The following TRMT44 variants were observed in gnomAD, a reference collection of about 807,000 sequenced individuals.
TRMT44 encodes probable tRNA (uracil-O(2)-)-methyltransferase.
TRMT44 carries 78 observed loss-of-function variants against 77.3 expected under a neutral mutation model. The ratio of observed to expected loss-of-function variants is 1.01; its 90% CI spans 0.84 to 1.22. TRMT44 has a LOEUF of 1.22. Among genes scored for constraint, TRMT44 ranks in the 50% most tolerant of loss-of-function variants. The pLI is 0.00. For missense variants in TRMT44, 1,090 were observed against 964.4 expected, an observed-to-expected ratio of 1.13 and a Z score of -1.73; for synonymous variants, 391 against 383.3, an observed-to-expected ratio of 1.02 and a Z score of -0.23.
At chr4:8,445,692 C>G (rs1677833157) in intron 1 of TRMT44, among the ~76,000 whole-genome samples, 1 of 152,240 alleles carries the variant, frequency 6.6e-6, no homozygotes, top group South Asian at 2.1e-4. Flanking sequence ...CTCGGCCCCA[C>G]ACTGCTTGCT....
At chr4:8,494,308 CCCTCACAATGTAAATGGA>C, downstream of TRMT44, among the ~76,000 whole-genome samples, 1 of 152,176 alleles carries the variant, frequency 6.6e-6, no homozygotes, top group East Asian at 1.9e-4. Flanking sequence ...TTAAATTTCA[CCCTCACAATGTAAATGGA>C]GAGCTGATAT....
chr4:8,502,809 C>G, the TRMT44 span, among the ~76,000 whole-genome samples: 1 of 152,208 alleles, frequency 6.6e-6, no homozygotes, highest in African/African-American at 2.4e-5. Flanking sequence ...TCCCAGCTCC[C>G]AGATCCCGCT....
chr4:8,455,550 G>A (rs1401954395), intron 6 of TRMT44, among the ~76,000 whole-genome samples: 1 of 152,172 alleles, frequency 6.6e-6, no homozygotes, highest in Non-Finnish European at 1.5e-5. Context: ...TTTTCTTAAT[G>A]CCCCTACCCA....
intron 1 of TRMT44, among the ~76,000 whole-genome samples, chr4:8,443,969 A>C (rs1186330741): frequency 1.3e-5 from 2 of 152,138 alleles, no homozygotes; most frequent in Non-Finnish European, 2.9e-5. Flanking sequence ...AAAAAAAAAA[A>C]AAAGGAATGT....
intron 2 of TRMT44, among the ~76,000 whole-genome samples, chr4:8,488,589 T>G (rs2109228495): frequency 6.6e-6 from 1 of 152,304 alleles, no homozygotes; most frequent in South Asian, 2.1e-4. Flanking sequence ...ATGTCATCAG[T>G]TAAGGTGGGG....
At position 8,485,276 on chromosome 4, in the gene TRMT44, A is replaced by G. The variant is rs1577066475; in HGVS notation, n.3891+5743A>G. Among the ~76,000 whole-genome samples the G allele has an allele frequency of 2.0e-5, 3 of 152,170 alleles. 1 individual carries two copies. The highest frequency in any genetic ancestry group is 3.9e-4 in the East Asian group (2 of 5,194). Reference sequence around the variant, plus strand: ...AAGCATCTTTAAGATCAAGAACGGAATAGTGAGTTGTGGAGGGAGGTATTG... The same window carrying G: ...AAGCATCTTTAAGATCAAGAACGGAGTAGTGAGTTGTGGAGGGAGGTATTG... On this transcript the variant is annotated intron_variant and non_coding_transcript_variant, in intron 2 of 2. Transcript: ENST00000511366.
rs527445129 is a variant in TRMT44, at chr4:8,441,001, G to A, written c.179G>A (p.Gly60Glu). ...ALPCAEARGPGTSAGSEQKER... is the reference protein window; with the variant it reads ...ALPCAEARGPETSAGSEQKER... ...CCCTGCGCGGAGGCCCGCGGCCCCG[G>A]GACTAGCGCAGGCTCGGAGCAGAAG... The change falls in exon 1 of 11, where the codon GGG (glycine) becomes GAG (glutamate). Residue 60 changes from glycine (G) to glutamate (E), a missense_variant. Transcript: ENST00000389737. 6 of 1,519,260 alleles carry A rather than the reference G, an allele frequency of 3.9e-6. No homozygotes were observed. The African/African-American group carries it at 6.9e-5, about 18-fold the overall frequency. 94.1% of individuals were successfully genotyped at this position (1,519,260 alleles called of 1,614,324 possible).
At chr4:8,466,381 C>G (rs907707458) in intron 8 of TRMT44, among the ~76,000 whole-genome samples, 2 of 152,174 alleles carry the variant, frequency 1.3e-5, no homozygotes, top group African/African-American at 4.8e-5. Context: ...GGAGGCTGCC[C>G]GGGTCTCTGT....
chr4:8,499,798 A>G, the TRMT44 span, among the ~76,000 whole-genome samples: 1 of 152,178 alleles, frequency 6.6e-6, no homozygotes, highest in Admixed American at 6.5e-5. Flanking sequence ...TCAGAAGAAA[A>G]CACAAAACTG....
downstream of TRMT44, among the ~76,000 whole-genome samples, chr4:8,496,422 A>G (rs540121685): frequency 5.9e-5 from 9 of 152,262 alleles, no homozygotes; most frequent in South Asian, 1.9e-3. Flanking sequence ...ATGGTGGTGG[A>G]ACACCTGCTG....
At position 8,449,638 on chromosome 4, in the gene TRMT44, G is replaced by A. The variant is rs1207853417; in HGVS notation, c.735-31G>A. On this transcript the variant is annotated intron_variant, in intron 2 of 10. Coordinates refer to ENST00000389737, the MANE Select transcript of TRMT44 (RefSeq NM_152544.3). Reference sequence around the variant, plus strand: ...TTTAAAATAAGAATTGAACATATCTGTGCTTATTCATATTTCTCTTATTTT... The same window carrying A: ...TTTAAAATAAGAATTGAACATATCTATGCTTATTCATATTTCTCTTATTTT... 4.2e-6 allele frequency: 6 copies of A among 1,441,002 alleles called. No individual in the cohort carries two copies. The Admixed American group carries it at 7.9e-5, about 19-fold the overall frequency. 89.3% of individuals were successfully genotyped at this position (1,441,002 alleles called of 1,614,324 possible).
chr4:8,475,353 C>G (rs1266645712), intron 10 of TRMT44, among the ~76,000 whole-genome samples: 1 of 152,206 alleles, frequency 6.6e-6, no homozygotes, highest in Non-Finnish European at 1.5e-5. Context: ...GCAGGACCTG[C>G]CTCTCAGCCA....
the TRMT44 span, among the ~76,000 whole-genome samples, chr4:8,504,871 C>T: frequency 6.6e-6 from 1 of 152,214 alleles, no homozygotes; most frequent in South Asian, 2.1e-4. This position sits in a 1 kb window ranked among gnomAD's most constrained non-coding sequence, Gnocchi z 5.3. Flanking sequence ...CGCCACTTCT[C>T]TGGATTCTAA....
At chr4:8,511,978 TAGATC>T in the TRMT44 span, 1 of 152,350 alleles carries the variant, frequency 6.6e-6, no homozygotes, top group African/African-American at 2.4e-5. Context: ...ATCCCTGCAA[TAGATC>T]CCTTTAATAC....
chr4:8,481,371 C>T (rs1370747847), downstream of TRMT44, among the ~76,000 whole-genome samples: 1 of 152,238 alleles, frequency 6.6e-6, no homozygotes, highest in African/African-American at 2.4e-5. Context: ...CCACCTTGGG[C>T]ACATGTTCTC....
chr4:8,513,897 A>G, the TRMT44 span, among the ~76,000 whole-genome samples: 1 of 152,168 alleles, frequency 6.6e-6, no homozygotes, highest in Non-Finnish European at 1.5e-5. Context: ...TGCTGTGTGG[A>G]GCAGCCAGAA....
At chr4:8,507,952 G>T in the TRMT44 span, among the ~76,000 whole-genome samples, 4 of 152,298 alleles carry the variant, frequency 2.6e-5, no homozygotes, top group South Asian at 4.1e-4. Flanking sequence ...TGTTGCCCAG[G>T]CTGGAGCGTG....
chr4:8,454,779 T>A lies in TRMT44; in HGVS notation c.1169T>A (p.Ile390Asn), dbSNP rs1453923892. The change falls in exon 6 of 11, where the codon ATC becomes AAC. Residue 390 changes from isoleucine to asparagine, a missense_variant. Physicochemically the swap from Ile to Asn is moderately radical, Grantham distance 149. Coordinates refer to ENST00000389737, the MANE Select transcript of TRMT44 (RefSeq NM_152544.3). The stretch of plus-strand genomic sequence containing the variant: ...GGGATTGATGTCCGAAGAAGAAAAA[T>A]CTGGGACATGTATGGACCACAAACT... ...GRGIDVRRRK[I>N]WDMYGPQTQL... 1.2e-6 allele frequency: 2 copies of A among 1,614,078 alleles called. No homozygotes were observed. Among genetic ancestry groups the A allele is most frequent in the African/African-American group, 1.3e-5 (1 of 74,908 alleles).
At chr4:8,463,566 A>C (rs1232507729) in intron 6 of TRMT44, among the ~76,000 whole-genome samples, 1 of 152,192 alleles carries the variant, frequency 6.6e-6, no homozygotes, top group Non-Finnish European at 1.5e-5. Flanking sequence ...CCTGTGTTGT[A>C]TTACGCCCTT....
Sources: gnomAD v4.1 joint callset for allele counts (sites outside exome capture counted in the v4.1 genomes callset) on GRCh38, gnomAD v4.1.1 for gene constraint, Gnocchi (gnomAD v3.1) non-coding constraint, MANE v1.5 for transcripts, NCBI Gene and HGNC (gene_info 2026-07-23, HGNC 2026-07-21) for gene names.